Variants in SPRY4 observed in about 807,000 individuals in gnomAD.
SPRY4 encodes protein sprouty homolog 4.
In SPRY4, 7 loss-of-function variants were observed where a neutral mutation model predicts 17.0. That is an observed-to-expected ratio of 0.41 (90% confidence interval 0.23 to 0.77). The LOEUF is 0.77. SPRY4 is among the 30% of genes least tolerant of loss of function. The pLI, the probability that SPRY4 is intolerant of heterozygous loss-of-function variation, is 0.32. For synonymous variants in SPRY4, 183 were observed against 174.1 expected, an observed-to-expected ratio of 1.05 and a Z score of -0.40; for missense variants, 435 against 419.9, an observed-to-expected ratio of 1.04 and a Z score of -0.31.
At chr5:142,315,516 A>C in intron 1 of SPRY4, 1 of 197,738 alleles carries the variant, frequency 5.1e-6, no homozygotes, top group Non-Finnish European at 1.0e-5. Context: ...ATCCAAAACT[A>C]TCAGTAGCAG....
chr5:142,319,648 A>G (rs1024899675), intron 1 of SPRY4: 5 of 1,491,766 alleles, frequency 3.4e-6, no homozygotes, highest in Non-Finnish European at 4.5e-6. Flanking sequence ...AATCAGCAGG[A>G]TATCAAAATC....
intron 1 of SPRY4, among the ~76,000 whole-genome samples, chr5:142,316,800 T>A (rs373100041): frequency 1.8e-4 from 27 of 152,316 alleles, no homozygotes; most frequent in African/African-American, 6.5e-4. Flanking sequence ...TCACTTACAC[T>A]GCTAAATCCA....
At chr5:142,315,979 G>A (rs1261341644) in intron 1 of SPRY4, among the ~76,000 whole-genome samples, 2 of 152,154 alleles carry the variant, frequency 1.3e-5, no homozygotes, top group African/African-American at 2.4e-5. Flanking sequence ...GAGAAGGGCT[G>A]TATCTGATGC....
At chr5:142,315,479 T>C (rs1474943214) in intron 1 of SPRY4, 2 of 264,158 alleles carry the variant, frequency 7.6e-6, no homozygotes, top group Non-Finnish European at 1.4e-5. Flanking sequence ...CATGTTGAAA[T>C]TAATTTGTCC....
At chr5:142,320,922 C>G (rs945847682) in intron 1 of SPRY4, among the ~76,000 whole-genome samples, 2 of 152,230 alleles carry the variant, frequency 1.3e-5, no homozygotes, top group African/African-American at 4.8e-5. Flanking sequence ...TGGCCACCTG[C>G]CCCGAAGGGC....
rs1759037531 is a variant in SPRY4 at position 142,314,179 on chromosome 5, G to A, written c.*30C>T. 6.3e-7 allele frequency: 1 copy of A among 1,577,572 alleles called. No homozygotes were observed. The highest frequency in any genetic ancestry group is 1.2e-5 in the South Asian group (1 of 86,888). ...ATGTCAGAAGAGAACCAGGTTTCCA[G>A]GCAGAGCACTGGGGCTTCGACACAA... On this transcript the variant is annotated 3_prime_UTR_variant, in exon 2 of 2. Transcript: ENST00000434127. This position sits in a 1 kb window ranked among gnomAD's most constrained non-coding sequence, Gnocchi z 4.8.
intron 1 of SPRY4, chr5:142,319,926 T>C (rs773534901): frequency 3.6e-6 from 3 of 829,476 alleles, no homozygotes; most frequent in Non-Finnish European, 5.4e-6. Context: ...CTGACAGTTG[T>C]ACTTTGAAAG....
In SPRY4 at chr5:142,315,080, G is replaced by A. The variant is rs1411018317; in HGVS notation, c.29C>T (p.Pro10Leu). MEPPIPQSAPLTPNSVMVQP... is the reference protein window; with the variant it reads MEPPIPQSALLTPNSVMVQP... ...GACCATGACTGAGTTGGGAGTCAAGGGGGCGCTCTGTGGGATCGGGGGCTC... is the reference window on the plus strand; with the variant it reads ...GACCATGACTGAGTTGGGAGTCAAGAGGGCGCTCTGTGGGATCGGGGGCTC... Residue 10 changes from proline to leucine, a missense_variant, in exon 2 of 2, where the codon CCC (proline) becomes CTC (leucine). Pro to Leu is a moderately conservative substitution (Grantham distance 98, BLOSUM62 -3). Coordinates refer to ENST00000434127, the MANE Select transcript of SPRY4 (RefSeq NM_001127496.3). 2.8e-5 allele frequency: 45 copies of A among 1,612,906 alleles called. No individual in the cohort carries two copies. Among genetic ancestry groups the A allele is most frequent in the Non-Finnish European group, 3.5e-5 (41 of 1,179,994 alleles).
chr5:142,323,179 G>A (rs538277497), intron 1 of SPRY4, among the ~76,000 whole-genome samples: 74 of 152,304 alleles, frequency 4.9e-4, no homozygotes, highest in Non-Finnish European at 8.2e-4. Flanking sequence ...CTCATTAAGA[G>A]ATTGATAAAC....
intron 1 of SPRY4, among the ~76,000 whole-genome samples, chr5:142,323,008 C>T (rs904379072): frequency 6.6e-6 from 1 of 151,456 alleles, no homozygotes; most frequent in Non-Finnish European, 1.5e-5. Flanking sequence ...TAACTGCAGC[C>T]CTGCCTCTCC....
chr5:142,311,082 G>A lies in SPRY4; in HGVS notation c.*3127C>T, dbSNP rs1454088185. ...TGATGGCGACTGACAGGCTCCACAA[G>A]GCTGAAAAGAACTAGCCATGTCTTC... On this transcript the variant is annotated 3_prime_UTR_variant, in exon 2 of 2. Coordinates refer to ENST00000434127, the MANE Select transcript of SPRY4 (RefSeq NM_001127496.3). 1 of 152,184 alleles carries A rather than the reference G, an allele frequency of 6.6e-6. No individual in the cohort carries two copies. 9.4% of individuals were successfully genotyped at this position (152,184 alleles called of 1,614,324 possible).
chr5:142,319,788 A>G (rs1759284043), intron 1 of SPRY4: 4 of 1,609,598 alleles, frequency 2.5e-6, no homozygotes, highest in South Asian at 1.1e-5. Flanking sequence ...CGCTCAATAC[A>G]GGCTGGCTGA....
chr5:142,314,294 C>T lies in SPRY4; in HGVS notation c.815G>A (p.Gly272Asp). ...QRGYDRLRRP[G>D]CRCKHTNSVI... is the part of the protein sequence containing the mutation. The stretch of plus-strand genomic sequence containing the variant: ...GCTGTTCGTGTGCTTGCAGCGGCAA[C>T]CAGGGCGGCGCAGACGGTCGTAGCC... Residue 272 changes from glycine (G) to aspartate (D), a missense_variant, in exon 2 of 2, where the codon GGT becomes GAT. Coordinates refer to ENST00000434127, the MANE Select transcript of SPRY4 (RefSeq NM_001127496.3). The surrounding 1 kb of genome is among the most constrained non-coding windows in gnomAD (Gnocchi z 4.8). 1 of 1,613,860 alleles carries T rather than the reference C, an allele frequency of 6.2e-7. No individual in the cohort carries two copies. Among genetic ancestry groups the T allele is most frequent in the Non-Finnish European group, 8.5e-7 (1 of 1,179,998 alleles).
rs201642884 is a variant in SPRY4 at position 142,317,627 on chromosome 5, T to C, written c.-47-2472A>G. On this transcript the variant is annotated intron_variant, in intron 1 of 1. Transcript: ENST00000434127. ...TTCCTTAAGCAGATTCACTTTTTTT[T>C]TTTTTTTTCATTTGTGAGGTTCTTT... 484 of 985,228 alleles carry C rather than the reference T, an allele frequency of 4.9e-4. 1 individual carries two copies. In the East Asian group the frequency reaches 0.018, roughly 37 times the overall value. The allele number at this position is 985,228 out of a possible 1,614,324, so 61.0% of individuals were successfully genotyped here. A position where few individuals can be genotyped will look rare whatever the true frequency, so the allele number is the denominator to read the frequency against.
At position 142,311,935 on chromosome 5, in the gene SPRY4, GGTGTGTGTGTGT is replaced by G. The variant is rs57372594; in HGVS notation, c.*2262_*2273del. The G allele has an allele frequency of 1.4e-5, 2 of 140,384 alleles. No homozygotes were observed. The highest frequency in any genetic ancestry group is 7.2e-5 in the Admixed American group (1 of 13,896). The allele number at this position is 140,384 out of a possible 1,614,324, so 8.7% of individuals were successfully genotyped here. A position where few individuals can be genotyped will look rare whatever the true frequency, so the allele number is the denominator to read the frequency against. Reference sequence around the variant, plus strand: ...CGGTAGACAGTCAGTGTGGGGTAGGGGTGTGTGTGTGTGTGTGTGTGTGTGTATACACAGCTT... The same window carrying G: ...CGGTAGACAGTCAGTGTGGGGTAGGGGTGTGTGTGTGTGTATACACAGCTT... On this transcript the variant is annotated 3_prime_UTR_variant, in exon 2 of 2. Transcript: ENST00000434127.
chr5:142,313,950 C>T lies in SPRY4; in HGVS notation c.*259G>A. ...GAAAAAGAAAAATTTCCCCCCAAAC[C>T]ACACCCTGCCCCTGCATTGTCTGTT... On this transcript the variant is annotated 3_prime_UTR_variant, in exon 2 of 2. Transcript: ENST00000434127. 4.1e-6 allele frequency: 2 copies of T among 492,554 alleles called. No homozygotes were observed. Among genetic ancestry groups the T allele is most frequent in the East Asian group, 6.3e-5 (2 of 31,588 alleles). The allele number at this position is 492,554 out of a possible 1,614,324, so 30.5% of individuals were successfully genotyped here. A position where few individuals can be genotyped will look rare whatever the true frequency, so the allele number is the denominator to read the frequency against.
Position 142,312,202 on chromosome 5 carries a change from A to T in SPRY4, c.*2007T>A, listed in dbSNP as rs1048513682. On this transcript the variant is annotated 3_prime_UTR_variant, in exon 2 of 2. Transcript: ENST00000434127. Reference sequence around the variant, plus strand: ...ACTTCTGATACATTCAATTCATATAAGTGGTTGGCTGAATGTGTGTTTTTT... The same window carrying T: ...ACTTCTGATACATTCAATTCATATATGTGGTTGGCTGAATGTGTGTTTTTT... The T allele has an allele frequency of 1.3e-5, 2 of 152,558 alleles. No homozygotes were observed. The highest frequency in any genetic ancestry group is 2.4e-5 in the African/African-American group (1 of 41,402). 9.5% of individuals were successfully genotyped at this position (152,558 alleles called of 1,614,324 possible).
rs1347932613 is a variant in SPRY4, at chr5:142,312,370, A to G, written c.*1839T>C. On this transcript the variant is annotated 3_prime_UTR_variant, in exon 2 of 2. Coordinates refer to ENST00000434127, the MANE Select transcript of SPRY4 (RefSeq NM_001127496.3). ...ACAAGCTAGCAAATGTTACATAAAT[A>G]AAGCCGAAAATAATATGACCCTCCC... The G allele has an allele frequency of 6.6e-6, 1 of 152,636 alleles. No homozygotes were observed. The highest frequency in any genetic ancestry group is 2.4e-5 in the African/African-American group (1 of 41,448). The allele number at this position is 152,636 out of a possible 1,614,324, so 9.5% of individuals were successfully genotyped here.
In SPRY4 at chr5:142,314,451, C is replaced by T. The variant is rs1262579331; in HGVS notation, c.658G>A (p.Ala220Thr). ...CGGGAGCAGGAGCAGGGGTGGTCAG[C>T]GCAGGAGCCCTCATCGTCCTCATTC... is the stretch of plus-strand genomic sequence containing the variant. ...CTNEDDEGSC[A>T]DHPCSCSRSN... The change falls in exon 2 of 2, where the codon GCT becomes ACT. Residue 220 changes from alanine (A) to threonine (T), a missense_variant. Transcript: ENST00000434127. This position sits in a 1 kb window ranked among gnomAD's most constrained non-coding sequence, Gnocchi z 4.8. 6 of 1,613,960 alleles carry T rather than the reference C, an allele frequency of 3.7e-6. No homozygotes were observed. Among genetic ancestry groups the T allele is most frequent in the African/African-American group, 1.3e-5 (1 of 74,930 alleles).
Sources: gnomAD v4.1 joint callset for allele counts (sites outside exome capture counted in the v4.1 genomes callset) on GRCh38, gnomAD v4.1.1 for gene constraint, Gnocchi (gnomAD v3.1) non-coding constraint, MANE v1.5 for transcripts, NCBI Gene and HGNC (gene_info 2026-07-23, HGNC 2026-07-21) for gene names.